CTBP2: variants seen among roughly 807,000 people sequenced by gnomAD.
CTBP2 encodes the protein C-terminal binding protein 2.
CTBP2 carries 30 observed loss-of-function variants against 80.3 expected under a neutral mutation model. That is an observed-to-expected ratio of 0.37 (90% CI 0.28 to 0.51). The LOEUF (loss-of-function observed/expected upper bound fraction) is 0.51. CTBP2 is among the 20% of genes least tolerant of loss of function. CTBP2 has a pLI of 0.93. For missense variants in CTBP2, 1,212 were observed against 1,375.3 expected (o/e 0.88, Z 1.88); for synonymous variants, 594 against 587.4 (o/e 1.01, Z -0.16).
intron 2 of CTBP2, among the ~76,000 whole-genome samples, chr10:125,094,256 C>T (rs1280498144): frequency 6.6e-6 from 1 of 152,118 alleles, no homozygotes; most frequent in Non-Finnish European, 1.5e-5. Context: ...AGTGGTGGAG[C>T]CATCCCAACA....
chr10:125,048,796 C>T (rs1339254419), intron 2 of CTBP2, among the ~76,000 whole-genome samples: 2 of 152,188 alleles, frequency 1.3e-5, no homozygotes, highest in Non-Finnish European at 2.9e-5. Context: ...TCCGCAAATG[C>T]CCCTTAGGCT....
upstream of CTBP2, among the ~76,000 whole-genome samples, chr10:125,161,587 C>T (rs1335521541): frequency 6.6e-6 from 1 of 152,156 alleles, no homozygotes; most frequent in East Asian, 1.9e-4. Flanking sequence ...CTTGCGCTCC[C>T]CAAATCCAGA....
intron 2 of CTBP2, chr10:125,100,799 G>A (rs1016447403): frequency 2.0e-5 from 3 of 152,180 alleles, no homozygotes; most frequent in Admixed American, 6.5e-5. Flanking sequence ...TGTTTTTAGT[G>A]TAGGAAAGAG....
chr10:125,098,660 GAGAGAGA>G (rs1849969383), intron 2 of CTBP2, among the ~76,000 whole-genome samples: 1 of 18,862 alleles, frequency 5.3e-5, no homozygotes, highest in Non-Finnish European at 1.1e-4. Flanking sequence ...GGGAGGGGGA[GAGAGAGA>G]GAGAGAGAGA....
intron 3 of CTBP2, 102 bp downstream of exon 5, chr10:125,002,858 G>A (rs1954715835): frequency 2.8e-6 from 4 of 1,443,066 alleles, no homozygotes; most frequent in Non-Finnish European, 1.9e-6. Flanking sequence ...GCCAGAAGCG[G>A]CTGCTCCGTG....
At chr10:125,031,918 T>C (rs945322893), upstream of CTBP2, among the ~76,000 whole-genome samples, 1 of 152,222 alleles carries the variant, frequency 6.6e-6, no homozygotes, top group African/African-American at 2.4e-5. Context: ...CCAGTCCTCA[T>C]GTCTCTCAGT....
chr10:125,153,220 TC>T lies in CTBP2; in HGVS notation c.-206+7098del, dbSNP rs540020089. Among the ~76,000 whole-genome samples the T allele has an allele frequency of 1.4e-3, 219 of 152,358 alleles. 1 individual carries two copies. Among genetic ancestry groups the T allele is most frequent in the Admixed American group, 8.7e-3 (133 of 15,308 alleles). On this transcript the variant is annotated intron_variant, in intron 1 of 10. Coordinates refer to the CTBP2 transcript ENST00000337195. ...GAACATTCTCAGTTCCCTCAACCGT[TC>T]CTGGGACATGGCTTTAAGAGCTCTC...
intron 8 of CTBP2, among the ~76,000 whole-genome samples, chr10:124,990,886 G>C (rs1204042797): frequency 1.3e-5 from 2 of 152,222 alleles, no homozygotes; most frequent in Admixed American, 1.3e-4. Context: ...GACCATGCTG[G>C]CAGCCTCATC....
chr10:125,041,004 G>A (rs1959578937), intron 2 of CTBP2, among the ~76,000 whole-genome samples: 1 of 152,236 alleles, frequency 6.6e-6, no homozygotes. Flanking sequence ...GTCAGGAGAT[G>A]GAGGTTGTCA....
At chr10:125,025,930 T>C (rs1206012812) in intron 1 of CTBP2, 2 of 1,047,094 alleles carry the variant, frequency 1.9e-6, no homozygotes, top group Non-Finnish European at 2.7e-6. Context: ...CCGTGTCAAC[T>C]GGCCACAGTG....
At chr10:125,005,099 A>T (rs1283310696) in intron 1 of CTBP2, among the ~76,000 whole-genome samples, 1 of 152,158 alleles carries the variant, frequency 6.6e-6, no homozygotes, top group African/African-American at 2.4e-5. Flanking sequence ...GCATCCTGTT[A>T]AGACTATACA....
At chr10:125,076,251 CCTGTCAACTCCACTCAGGTGGG>C (rs1257156856) in intron 2 of CTBP2, among the ~76,000 whole-genome samples, 18 of 152,216 alleles carry the variant, frequency 1.2e-4, no homozygotes, top group Non-Finnish European at 2.5e-4. Context: ...AGGCTCCAAC[CCTGTCAACTCCACTCAGGTGGG>C]CTGGGGTGTG....
intron 2 of CTBP2, among the ~76,000 whole-genome samples, chr10:125,105,998 CTT>C (rs1159736119): frequency 6.6e-6 from 1 of 152,204 alleles, no homozygotes; most frequent in Admixed American, 6.5e-5. Context: ...CTCTTCTTGC[CTT>C]TAACAAACAC....
intron 1 of CTBP2, among the ~76,000 whole-genome samples, chr10:125,152,837 C>CAG (rs1485047123): frequency 6.6e-6 from 1 of 152,216 alleles, no homozygotes; most frequent in Non-Finnish European, 1.5e-5. Flanking sequence ...AGCCTCTATC[C>CAG]AGTCCGCAGG....
At chr10:125,009,759 T>C (rs914044403) in intron 1 of CTBP2, among the ~76,000 whole-genome samples, 2 of 152,196 alleles carry the variant, frequency 1.3e-5, no homozygotes, top group African/African-American at 4.8e-5. Context: ...TCTCAGACAC[T>C]TGGCGTTAGA....
At chr10:125,103,108 C>A (rs1392740996) in intron 2 of CTBP2, among the ~76,000 whole-genome samples, 3 of 152,146 alleles carry the variant, frequency 2.0e-5, no homozygotes, top group Non-Finnish European at 4.4e-5. Context: ...TATCTCAGAA[C>A]ATGCACACCT....
At chr10:125,129,374 C>T (rs1445588895) in intron 1 of CTBP2, among the ~76,000 whole-genome samples, 1 of 152,080 alleles carries the variant, frequency 6.6e-6, no homozygotes, top group African/African-American at 2.4e-5. Context: ...TTTCATTTGA[C>T]CTCATGCCCC....
chr10:125,134,525 G>A (rs1451820730), intron 1 of CTBP2, among the ~76,000 whole-genome samples: 3 of 152,214 alleles, frequency 2.0e-5, no homozygotes, highest in Admixed American at 6.5e-5. Flanking sequence ...TAATCCTACC[G>A]CTCCCAGCAA....
In CTBP2 at chr10:125,134,856, A is replaced by G. The variant is rs1856731678; in HGVS notation, c.-205-23763T>C. ...AGGCATAGCCCTCCCCACTCCACCT[A>G]CCCTGCTGCTTAGCTCCTCCTGCCT... On this transcript the variant is annotated intron_variant, in intron 1 of 10. Transcript: ENST00000337195. 4.7e-5 allele frequency among the ~76,000 whole-genome samples: 7 copies of G among 150,462 alleles called. 1 individual carries two copies. The South Asian group carries it at 1.5e-3, about 32-fold the overall frequency.
Sources: allele counts gnomAD v4.1 joint callset (sites outside exome capture counted in the v4.1 genomes callset), GRCh38; gene constraint gnomAD v4.1.1; transcripts MANE v1.5; gene names NCBI Gene and HGNC (gene_info 2026-07-23, HGNC 2026-07-21).